Variants in HMCN1 observed in about 807,000 individuals in gnomAD.
HMCN1 encodes hemicentin 1, also known as hemicentin-1.
HMCN1 carries 321 observed loss-of-function variants against 625.9 expected under a neutral mutation model. The ratio of observed to expected loss-of-function variants is 0.51; its 90% CI spans 0.47 to 0.56. The LOEUF (loss-of-function observed/expected upper bound fraction) is 0.56, where lower values mean the gene tolerates loss of function less well. HMCN1 is among the 20% of genes least tolerant of loss of function. HMCN1 has a pLI of 0.00. For missense variants in HMCN1, 6,588 were observed against 6,887.3 expected (o/e 0.96, Z 1.54); for synonymous variants, 2,425 against 2,417.6 (o/e 1.00, Z -0.09).
intron 74 of HMCN1, 65 bp from the exon 75 acceptor site, chr1:186,115,193 A>C: frequency 1.3e-6 from 2 of 1,587,230 alleles, no homozygotes. Context: ...AGTTCAGCAG[A>C]AATATTTCAA....
chr1:186,026,150 A>G (rs1171448366), intron 36 of HMCN1, among the ~76,000 whole-genome samples: 1 of 152,220 alleles, frequency 6.6e-6, no homozygotes, highest in African/African-American at 2.4e-5. Flanking sequence ...GTCCTCTTCA[A>G]TACTTGCATT....
At position 186,002,705 on chromosome 1, in the gene HMCN1, GCTAATTT is replaced by G. The variant is rs1303082332; in HGVS notation, c.4348+965_4348+971del. ...TCTTCCCTGAGCCTAGGGATATATA[GCTAATTT>G]TCTCCATAGTATTGTGACTTGAATA... On this transcript the variant is annotated intron_variant, in intron 28 of 106. Transcript: ENST00000271588. Among the ~76,000 whole-genome samples, 3 of 151,952 alleles carry G rather than the reference GCTAATTT, an allele frequency of 2.0e-5. No individual in the cohort carries two copies. The East Asian group carries it at 5.8e-4, about 29-fold the overall frequency.
At chr1:185,820,416 T>C (rs907866870) in intron 1 of HMCN1, among the ~76,000 whole-genome samples, 101 of 152,260 alleles carry the variant, frequency 6.6e-4, no homozygotes, top group East Asian at 1.9e-4. Context: ...TTTTTAAAAC[T>C]GGGTCTTCAA....
chr1:186,138,363 C>T (rs771176451), intron 89 of HMCN1, among the ~76,000 whole-genome samples: 3 of 152,154 alleles, frequency 2.0e-5, no homozygotes, highest in Non-Finnish European at 2.9e-5. Context: ...GGAGTAAATA[C>T]GAATCGCTGT....
intron 2 of HMCN1, among the ~76,000 whole-genome samples, chr1:185,852,149 G>C (rs1007388565): frequency 6.6e-6 from 1 of 151,958 alleles, no homozygotes; most frequent in Non-Finnish European, 1.5e-5. Context: ...AGAATTAACT[G>C]TCTAAGGAGA....
intron 1 of HMCN1, among the ~76,000 whole-genome samples, chr1:185,791,488 G>A (rs879938550): frequency 6.6e-6 from 1 of 152,116 alleles, no homozygotes; most frequent in Non-Finnish European, 1.5e-5. Flanking sequence ...GGGAGGACGA[G>A]GCGGGTGGAT....
At chr1:186,045,938 G>A (rs1656538430) in intron 41 of HMCN1, 75 bp downstream of exon 41, 1 of 1,059,566 alleles carries the variant, frequency 9.4e-7, no homozygotes, top group South Asian at 1.3e-5. Flanking sequence ...TATTTAGCGT[G>A]ACTGTCTTTT....
In HMCN1 at chr1:186,111,447, A is replaced by G. The variant is rs535764288; in HGVS notation, c.10990-1365A>G. 2.0e-5 allele frequency among the ~76,000 whole-genome samples: 3 copies of G among 152,214 alleles called. No individual in the cohort carries two copies. In the East Asian group the frequency reaches 5.8e-4, roughly 29 times the overall value. ...GAGGATTGCTTAAGGACAAGGGTTC[A>G]AGACCAGCCTGGGCAACAGAGCAAG... On this transcript the variant is annotated intron_variant, in intron 71 of 106. Transcript: ENST00000271588.
rs373901887 is a variant in HMCN1 at position 185,852,944 on chromosome 1, T to C, written c.339+6848T>C. On this transcript the variant is annotated intron_variant, in intron 2 of 106. Transcript: ENST00000271588. ...TATAAATGAGGAATCTCAAGCTTTT[T>C]GATATTAGGTAACATGTCTTACACA... Among the ~76,000 whole-genome samples, 81 of 152,200 alleles carry C rather than the reference T, an allele frequency of 5.3e-4. 4 individuals carry two copies. In the South Asian group the frequency reaches 0.017, roughly 31 times the overall value.
chr1:186,072,702 C>A (rs989846915), intron 52 of HMCN1, among the ~76,000 whole-genome samples: 4 of 152,020 alleles, frequency 2.6e-5, no homozygotes, highest in African/African-American at 9.7e-5. Context: ...TAATAGAGGG[C>A]AAAATATTCC....
At position 185,933,509 on chromosome 1, in the gene HMCN1, C is replaced by G. The variant is rs1484754622; in HGVS notation, c.1553-40C>G. ...CCACATCTGTAAGTGAGCAAAATGG[C>G]TTTTAGGTCTCTTGATTTGAATTTT... On this transcript the variant is annotated intron_variant, in intron 10 of 106. Coordinates refer to ENST00000271588, the MANE Select transcript of HMCN1 (RefSeq NM_031935.3). 3 of 1,611,704 alleles carry G rather than the reference C, an allele frequency of 1.9e-6. No homozygotes were observed. In the East Asian group the frequency reaches 6.7e-5, roughly 36 times the overall value.
chr1:186,112,241 G>A (rs1472949461), intron 71 of HMCN1, among the ~76,000 whole-genome samples: 1 of 152,058 alleles, frequency 6.6e-6, no homozygotes, highest in Non-Finnish European at 1.5e-5. Context: ...ACCAAAGTTA[G>A]TCAGCAACCT....
chr1:186,038,514 T>C (rs1655987625), intron 37 of HMCN1, among the ~76,000 whole-genome samples: 1 of 152,098 alleles, frequency 6.6e-6, no homozygotes, highest in African/African-American at 2.4e-5. Flanking sequence ...TAGCCAAAAT[T>C]TTATGGATGA....
At chr1:185,899,417 AC>A (rs1392093881) in intron 4 of HMCN1, among the ~76,000 whole-genome samples, 1 of 152,176 alleles carries the variant, frequency 6.6e-6, no homozygotes. Flanking sequence ...TCAGATGTTA[AC>A]AAAATTGTTC....
chr1:185,776,413 C>A (rs1328525225), intron 1 of HMCN1, among the ~76,000 whole-genome samples: 4 of 150,366 alleles, frequency 2.7e-5, no homozygotes, highest in Non-Finnish European at 5.9e-5. Flanking sequence ...TGGTGATTAA[C>A]TTTAAGTATT....
chr1:186,157,661 G>T (rs7525679), intron 97 of HMCN1, among the ~76,000 whole-genome samples: 3 of 151,958 alleles, frequency 2.0e-5, no homozygotes, highest in African/African-American at 4.8e-5. Context: ...TCATTGTTCA[G>T]TTCCCACCTA....
chr1:186,160,410 C>G (rs1220309323), intron 97 of HMCN1, among the ~76,000 whole-genome samples: 1 of 146,858 alleles, frequency 6.8e-6, no homozygotes, highest in East Asian at 2.0e-4. Flanking sequence ...TTTTTTGTGT[C>G]TCTATTTCCT....
At chr1:186,010,105 G>A (rs750122194) in intron 30 of HMCN1, among the ~76,000 whole-genome samples, 4 of 152,002 alleles carry the variant, frequency 2.6e-5, no homozygotes, top group African/African-American at 4.8e-5. Context: ...CCATGGATCC[G>A]AACCCTTCCA....
At chr1:186,141,668 A>T (rs1049549803) in intron 89 of HMCN1, among the ~76,000 whole-genome samples, 1 of 152,078 alleles carries the variant, frequency 6.6e-6, no homozygotes, top group Non-Finnish European at 1.5e-5. Flanking sequence ...CCTAGCTTAC[A>T]CTTATGTAGG....
Sources: allele counts gnomAD v4.1 joint callset (sites outside exome capture counted in the v4.1 genomes callset), GRCh38; gene constraint gnomAD v4.1.1; transcripts MANE v1.5; gene names NCBI Gene and HGNC (gene_info 2026-07-23, HGNC 2026-07-21).